AGAP4: variants seen among roughly 807,000 people sequenced by gnomAD.
The protein encoded by AGAP4 is ArfGAP with GTPase domain, ankyrin repeat and PH domain 4, also known as arf-GAP with GTPase, ANK repeat and PH domain-containing protein 4.
A neutral mutation model predicts 60.7 loss-of-function variants in AGAP4; 13 were observed. That is an observed-to-expected ratio of 0.21 (90% CI 0.14 to 0.34). The LOEUF is 0.34. Among genes scored for constraint, AGAP4 ranks in the 10% least tolerant of loss-of-function variants. AGAP4 has a pLI of 1.00. For synonymous variants in AGAP4, 70 were observed against 339.0 expected, an observed-to-expected ratio of 0.21 and a Z score of 8.72; for missense variants, 169 against 884.0, an observed-to-expected ratio of 0.19 and a Z score of 10.26.
At chr10:45,828,680 A>G in intron 6 of AGAP4, among the ~76,000 whole-genome samples, 1 of 123,576 alleles carries the variant, frequency 8.1e-6, no homozygotes, top group Admixed American at 8.4e-5. Context: ...AGAGGTCATA[A>G]CTGTTCTTTT....
Position 45,827,363 on chromosome 10 carries a change from T to C in AGAP4, c.613A>G (p.Arg205Gly), listed in dbSNP as rs1474559568. 10 of 1,596,338 alleles carry C rather than the reference T, an allele frequency of 6.3e-6. 2 individuals carry two copies. The highest frequency in any genetic ancestry group is 8.5e-6 in the Non-Finnish European group (10 of 1,171,758). The change falls in exon 8 of 8, where the codon AGA (arginine) becomes GGA (glycine). Residue 205 changes from arginine (R) to glycine (G), a missense_variant. By Grantham distance (125) the Arg-to-Gly change is moderately radical (BLOSUM62 -2). Coordinates refer to ENST00000616763, the MANE Select transcript of AGAP4 (RefSeq NM_001276343.3). ...TTATTTAAACTCCCACCTCCATTTC[T>C]TTTCTTCATAATGTGCACGGTGGAA... ...AVSTVHIMKK[R>G]NGGGSLNNYS... is the part of the protein sequence containing the mutation.
rs1301305693 is a variant in AGAP4 at position 45,834,395 on chromosome 10, G to T, written c.397-279C>A. ...AAAAATAATGGGAAAAGTCGGCTTC[G>T]CGGGGCACGGTGGCTCACACCTGTA... is the stretch of plus-strand genomic sequence containing the variant. On this transcript the variant is annotated intron_variant, in intron 4 of 7. Transcript: ENST00000616763. Among the ~76,000 whole-genome samples, 89 of 142,256 alleles carry T rather than the reference G, an allele frequency of 6.3e-4. 1 individual carries two copies. The South Asian group carries it at 8.5e-3, about 14-fold the overall frequency. 93.3% of individuals were successfully genotyped at this position (142,256 alleles called of 152,430 possible).
upstream of AGAP4, among the ~76,000 whole-genome samples, chr10:45,850,501 C>A (rs2059070154): frequency 6.6e-6 from 1 of 151,822 alleles, no homozygotes; most frequent in African/African-American, 2.4e-5. Flanking sequence ...AGTCATTGAA[C>A]CATGAAAAGG....
At chr10:45,849,029 C>A (rs1361841528), upstream of AGAP4, 2 of 148,478 alleles carry the variant, frequency 1.3e-5, no homozygotes, top group Non-Finnish European at 3.0e-5. Context: ...AGTTTGAGAC[C>A]AGCCTAGCTA....
chr10:45,844,074 T>A (rs2058962379), intron 3 of AGAP4, among the ~76,000 whole-genome samples: 1 of 150,546 alleles, frequency 6.6e-6, no homozygotes, highest in Admixed American at 6.6e-5. Context: ...GAGAAATCCA[T>A]GACTCCTCCA....
intron 6 of AGAP4, among the ~76,000 whole-genome samples, chr10:45,829,821 C>T (rs1165352085): frequency 1.3e-5 from 2 of 150,672 alleles, no homozygotes; most frequent in African/African-American, 4.8e-5. Context: ...GTTCCTTCTA[C>T]TGTAGGCTTG....
intron 4 of AGAP4, among the ~76,000 whole-genome samples, chr10:45,836,831 T>A (rs1168936195): frequency 7.2e-6 from 1 of 138,026 alleles, no homozygotes; most frequent in African/African-American, 2.7e-5. Flanking sequence ...CATCCCTGCA[T>A]CCCTGGTATG....
chr10:45,826,857 G>A lies in AGAP4; in HGVS notation c.1119C>T (p.Asp373=), dbSNP rs1360561736. 3 of 1,297,538 alleles carry A rather than the reference G, an allele frequency of 2.3e-6. No homozygotes were observed. Among genetic ancestry groups the A allele is most frequent in the African/African-American group, 1.8e-5 (1 of 56,322 alleles). The allele number at this position is 1,297,538 out of a possible 1,614,324, so 80.4% of individuals were successfully genotyped here. A position where few individuals can be genotyped will look rare whatever the true frequency, so the allele number is the denominator to read the frequency against. ...LSKDMDTGLG[D]SICFSPSISS... ...AGATACTGGGGCTGAAGCATATGGAGTCACCCAGCCCGGTGTCCATGTCCT... is the reference window on the plus strand; with the variant it reads ...AGATACTGGGGCTGAAGCATATGGAATCACCCAGCCCGGTGTCCATGTCCT... The change falls in exon 8 of 8, where the codon GAC becomes GAT. Residue 373 remains aspartate (D), a synonymous_variant. Transcript: ENST00000616763.
At chr10:45,854,627 C>T (rs1164692060), upstream of AGAP4, 4 of 103,048 alleles carry the variant, frequency 3.9e-5, no homozygotes, top group East Asian at 3.2e-4. Context: ...GAGTGAGACT[C>T]CCTCTCAAAA....
chr10:45,826,558 A>G lies in AGAP4; in HGVS notation c.1418T>C (p.Met473Thr). ...KAMALQSIQN[M>T]RGNAHCVDCE... ...GTCCACACAGTGGGCGTTCCCACGC[A>G]TGTTTTGGATCGACTGCAGGGCCAT... is the stretch of plus-strand genomic sequence containing the variant. The change falls in exon 8 of 8, where the codon ATG (methionine) becomes ACG (threonine). Residue 473 changes from methionine to threonine, a missense_variant. Transcript: ENST00000616763. The G allele has an allele frequency of 6.4e-7, 1 of 1,574,492 alleles. No individual in the cohort carries two copies. Among genetic ancestry groups the G allele is most frequent in the South Asian group, 1.1e-5 (1 of 88,012 alleles).
intron 4 of AGAP4, among the ~76,000 whole-genome samples, chr10:45,838,698 G>A (rs1216497135): frequency 6.6e-6 from 1 of 151,432 alleles, no homozygotes; most frequent in Non-Finnish European, 1.5e-5. Flanking sequence ...AGCCTCCTGA[G>A]TAGGTAATAC....
upstream of AGAP4, among the ~76,000 whole-genome samples, chr10:45,852,337 T>A (rs1440650377): frequency 1.6e-5 from 2 of 122,174 alleles, no homozygotes; most frequent in Admixed American, 7.9e-5. Flanking sequence ...AAAACCCAAA[T>A]AATGTCTTCC....
intron 4 of AGAP4, among the ~76,000 whole-genome samples, chr10:45,834,920 C>T (rs1200057030): frequency 4.1e-5 from 6 of 147,140 alleles, no homozygotes; most frequent in Non-Finnish European, 8.9e-5. Context: ...ACTACAGGCG[C>T]CCACCACCGT....
intron 1 of AGAP4, among the ~76,000 whole-genome samples, chr10:45,853,304 G>A (rs2059106210): frequency 6.6e-6 from 1 of 151,108 alleles, no homozygotes; most frequent in African/African-American, 2.4e-5. Context: ...CCCTTTAGAA[G>A]CGAATAATAG....
At chr10:45,846,255 G>A (rs1179682362) in intron 2 of AGAP4, among the ~76,000 whole-genome samples, 2 of 151,300 alleles carry the variant, frequency 1.3e-5, no homozygotes, top group African/African-American at 4.9e-5. Context: ...CCATTTTTCT[G>A]CAGCCCCGGC....
intron 5 of AGAP4, 64 bp from the exon 6 acceptor site, chr10:45,831,493 T>A (rs1203607117): frequency 1.3e-6 from 2 of 1,530,158 alleles, no homozygotes; most frequent in East Asian, 2.2e-5. Flanking sequence ...AGACATTTTT[T>A]AAAAGGGGGG....
At chr10:45,834,844 G>C (rs1447843826) in intron 4 of AGAP4, among the ~76,000 whole-genome samples, 2 of 146,170 alleles carry the variant, frequency 1.4e-5, no homozygotes, top group Admixed American at 1.3e-4. Flanking sequence ...CGCGATCTCG[G>C]CTCACTGCAA....
rs2059019404 is a variant in AGAP4, at chr10:45,847,487, C to T, written c.-140G>A. On this transcript the variant is annotated 5_prime_UTR_variant, in exon 1 of 8. Transcript: ENST00000616763. The stretch of plus-strand genomic sequence containing the variant: ...TCGCCTGCCCACCTCACAGCGCGGC[C>T]CCGGGCACCAGCCCTGGCCCTGGCC... 17 of 1,529,260 alleles carry T rather than the reference C, an allele frequency of 1.1e-5. No individual in the cohort carries two copies. The highest frequency in any genetic ancestry group is 7.3e-5 in the East Asian group (3 of 40,930). 94.7% of individuals were successfully genotyped at this position (1,529,260 alleles called of 1,614,324 possible). A position where few individuals can be genotyped will look rare whatever the true frequency, so the allele number is the denominator to read the frequency against.
Position 45,842,678 on chromosome 10 carries a change from C to G in AGAP4, c.362-991G>C, listed in dbSNP as rs1455029365. Among the ~76,000 whole-genome samples the G allele has an allele frequency of 7.6e-5, 11 of 145,078 alleles. 1 individual carries two copies. The East Asian group carries it at 2.2e-3, about 30-fold the overall frequency. The stretch of plus-strand genomic sequence containing the variant: ...AGGGACTTGGGCCATGCTTTGTTTC[C>G]TACACTGCCTCTGCCTTTGATGCTG... On this transcript the variant is annotated intron_variant, in intron 3 of 7. Transcript: ENST00000616763.
Sources: allele counts gnomAD v4.1 joint callset (sites outside exome capture counted in the v4.1 genomes callset), GRCh38; gene constraint gnomAD v4.1.1; transcripts MANE v1.5; gene names NCBI Gene and HGNC (gene_info 2026-07-23, HGNC 2026-07-21).